ADD2: variants seen among roughly 807,000 people sequenced by gnomAD.
The protein encoded by ADD2 is adducin 2, also known as beta-adducin.
ADD2 carries 23 observed loss-of-function variants against 83.0 expected under a neutral mutation model. That is an observed-to-expected ratio of 0.28 (90% CI 0.20 to 0.39). ADD2 has a LOEUF of 0.39. ADD2 is among the 10% of genes least tolerant of loss of function. The pLI, the probability that ADD2 is intolerant of heterozygous loss-of-function variation, is 1.00. For synonymous variants in ADD2, 375 were observed against 375.4 expected (o/e 1.00, Z 0.01); for missense variants, 758 against 944.9 (o/e 0.80, Z 2.59).
chr2:70,674,996 C>G (rs1216032544), intron 13 of ADD2, 171 bp from the exon 14 acceptor site: 1 of 1,332,552 alleles, frequency 7.5e-7, no homozygotes, highest in Non-Finnish European at 9.7e-7. Flanking sequence ...TCTTTCCTCC[C>G]CATTGCTACC....
intron 1 of ADD2, among the ~76,000 whole-genome samples, chr2:70,760,027 G>C (rs1408490367): frequency 2.0e-5 from 3 of 152,288 alleles, no homozygotes; most frequent in Admixed American, 2.0e-4. Context: ...ATACTCATGG[G>C]CTGGGTGATA....
chr2:70,710,775 G>A (rs894817774), intron 2 of ADD2, among the ~76,000 whole-genome samples: 1 of 152,252 alleles, frequency 6.6e-6, no homozygotes, highest in African/African-American at 2.4e-5. Flanking sequence ...AATGGGGACT[G>A]TAGTAAATTA....
intron 15 of ADD2, among the ~76,000 whole-genome samples, chr2:70,665,822 T>TG (rs1232887364): frequency 2.6e-5 from 4 of 151,736 alleles, no homozygotes; most frequent in African/African-American, 9.7e-5. Flanking sequence ...TTTTTTGTTT[T>TG]TTTTTTTTTC....
At chr2:70,727,543 T>C (rs1464971669) in intron 1 of ADD2, among the ~76,000 whole-genome samples, 3 of 152,090 alleles carry the variant, frequency 2.0e-5, no homozygotes, top group Admixed American at 2.0e-4. Context: ...CTCAGACCCT[T>C]TTCTTCCCTG....
chr2:70,695,655 C>T, intron 6 of ADD2, 66 bp downstream of exon 6: 1 of 1,478,674 alleles, frequency 6.8e-7, no homozygotes, highest in Admixed American at 1.7e-5. Flanking sequence ...TGACCTAGCA[C>T]TGTGGGAACA....
At chr2:70,694,817 C>T (rs182965522) in intron 6 of ADD2, among the ~76,000 whole-genome samples, 10 of 152,188 alleles carry the variant, frequency 6.6e-5, no homozygotes, top group African/African-American at 2.2e-4. Context: ...TCTACTGGAA[C>T]ACTCGGTAAC....
chr2:70,688,080 T>C lies in ADD2; in HGVS notation c.892A>G (p.Thr298Ala). The change falls in exon 9 of 16, where the codon ACG becomes GCG. Residue 298 changes from threonine to alanine, a missense_variant. By Grantham distance (58) the Thr-to-Ala change is moderately conservative (BLOSUM62 0). Coordinates refer to ENST00000264436, the MANE Select transcript of ADD2 (RefSeq NM_001617.4). ...RNHGVVALGD[T>A]VEEAFYKIFH... The stretch of plus-strand genomic sequence containing the variant: ...ATCTTGTAAAATGCCTCCTCTACCG[T>C]GTCACCCAGAGCAACCACTCCATGG... 1.2e-6 allele frequency: 2 copies of C among 1,614,166 alleles called. No homozygotes were observed. Among genetic ancestry groups the C allele is most frequent in the Non-Finnish European group, 8.5e-7 (1 of 1,179,998 alleles).
At chr2:70,697,629 T>C (rs1333231876) in intron 4 of ADD2, among the ~76,000 whole-genome samples, 1 of 152,248 alleles carries the variant, frequency 6.6e-6, no homozygotes, top group African/African-American at 2.4e-5. Flanking sequence ...TGGATCAGGA[T>C]GCTCTTTGGA....
At chr2:70,696,191 G>T (rs979302545) in intron 5 of ADD2, 54 bp downstream of exon 5, 6 of 1,581,828 alleles carry the variant, frequency 3.8e-6, no homozygotes, top group Admixed American at 1.8e-5. Context: ...TCTCCCTTTG[G>T]GTTTTGTGGG....
intron 15 of ADD2, among the ~76,000 whole-genome samples, chr2:70,671,826 C>T (rs1669907339): frequency 6.6e-6 from 1 of 152,102 alleles, no homozygotes; most frequent in Non-Finnish European, 1.5e-5. Context: ...ACACGTGTGG[C>T]CGTTCTACTC....
intron 6 of ADD2, among the ~76,000 whole-genome samples, chr2:70,693,914 C>T (rs1553372161): frequency 1.3e-5 from 2 of 152,150 alleles, no homozygotes; most frequent in South Asian, 2.1e-4. Flanking sequence ...AAAGCAGGTA[C>T]CCCCTCTTGA....
chr2:70,727,469 C>A (rs1673065397), intron 1 of ADD2, among the ~76,000 whole-genome samples: 1 of 152,154 alleles, frequency 6.6e-6, no homozygotes. Context: ...CTGCTATACT[C>A]ATCTCTGTAG....
intron 11 of ADD2, among the ~76,000 whole-genome samples, chr2:70,678,228 G>A (rs1460282651): frequency 1.3e-5 from 2 of 152,220 alleles, no homozygotes; most frequent in African/African-American, 4.8e-5. Flanking sequence ...TTTATGAAGA[G>A]CTATTCTATT....
Position 70,690,840 on chromosome 2 carries a change from C to T in ADD2, c.795G>A (p.Met265Ile), listed in dbSNP as rs868915520. The T allele has an allele frequency of 1.2e-6, 2 of 1,614,216 alleles. No homozygotes were observed. Among genetic ancestry groups the T allele is most frequent in the Non-Finnish European group, 1.7e-6 (2 of 1,180,048 alleles). Residue 265 changes from methionine to isoleucine, a missense_variant, in exon 8 of 16, where the codon ATG becomes ATA. Physicochemically the swap from Met to Ile is conservative, Grantham distance 10. Coordinates refer to ENST00000264436, the MANE Select transcript of ADD2 (RefSeq NM_001617.4). Reference sequence around the variant, plus strand: ...GGTTGATCCGATCGGCTTCCTGCTCCATTTCCCCATTGAAGTCATAATAGG... The same window carrying T: ...GGTTGATCCGATCGGCTTCCTGCTCTATTTCCCCATTGAAGTCATAATAGG... ...DMAYYDFNGE[M>I]EQEADRINLQ... is the part of the protein sequence containing the mutation.
At chr2:70,698,366 CAGA>C (rs1439187293) in intron 4 of ADD2, among the ~76,000 whole-genome samples, 4 of 152,274 alleles carry the variant, frequency 2.6e-5, no homozygotes, top group Admixed American at 6.5e-5. Context: ...GTACAAGGGG[CAGA>C]AGAAGAAGAG....
chr2:70,668,420 C>A (rs1409302166), intron 15 of ADD2, among the ~76,000 whole-genome samples: 2 of 152,250 alleles, frequency 1.3e-5, no homozygotes, highest in African/African-American at 4.8e-5. Flanking sequence ...TGACATTGGA[C>A]AATGAGCTCG....
intron 15 of ADD2, among the ~76,000 whole-genome samples, chr2:70,669,471 G>A (rs908481899): frequency 6.6e-6 from 1 of 152,216 alleles, no homozygotes. Flanking sequence ...GAGTACCACT[G>A]ATAAAAAAGA....
Position 70,696,349 on chromosome 2 carries a change from G to C in ADD2, c.370C>G (p.Leu124Val). The change falls in exon 5 of 16, where the codon CTG becomes GTG. Residue 124 changes from leucine (L) to valine (V), a missense_variant. Around this residue, in one of 5 missense-constraint regions of ADD2, gnomAD observed 175 missense variants for 192.1 expected, o/e 0.91. Coordinates refer to ENST00000264436, the MANE Select transcript of ADD2 (RefSeq NM_001617.4). ...PINDLHTADSLNLAKGERLMR... is the reference protein window; with the variant it reads ...PINDLHTADSVNLAKGERLMR... ...AGCCGCTCCCCTTTGGCCAGGTTCA[G>C]GGAGTCAGCTGTGTGGAGGTCATTG... is the stretch of plus-strand genomic sequence containing the variant. 3 of 1,614,186 alleles carry C rather than the reference G, an allele frequency of 1.9e-6. No homozygotes were observed. The highest frequency in any genetic ancestry group is 2.5e-6 in the Non-Finnish European group (3 of 1,180,044).
At chr2:70,762,440 C>T (rs1156698578) in intron 1 of ADD2, among the ~76,000 whole-genome samples, 1 of 151,828 alleles carries the variant, frequency 6.6e-6, no homozygotes, top group East Asian at 1.9e-4. Context: ...GATAACCAGT[C>T]ATCCCCATTT....
Sources: gnomAD v4.1 joint callset for allele counts (sites outside exome capture counted in the v4.1 genomes callset) on GRCh38, gnomAD v4.1.1 for gene constraint, gnomAD v4.1.1 regional missense constraint, MANE v1.5 for transcripts, NCBI Gene and HGNC (gene_info 2026-07-23, HGNC 2026-07-21) for gene names.